SYNPR: variants seen among roughly 807,000 people sequenced by gnomAD.
SYNPR encodes the protein synaptoporin.
A neutral mutation model predicts 32.9 loss-of-function variants in SYNPR; 23 were observed. The observed-to-expected ratio is 0.70, with a 90% CI of 0.50 to 0.99. SYNPR has a LOEUF of 0.99. SYNPR is among the 50% of genes least tolerant of loss of function. The pLI, the probability that SYNPR is intolerant of heterozygous loss-of-function variation, is 0.00. For missense variants in SYNPR, 318 were observed against 349.3 expected, an observed-to-expected ratio of 0.91 and a Z score of 0.71; for synonymous variants, 146 against 135.9, an observed-to-expected ratio of 1.07 and a Z score of -0.52.
intron 2 of SYNPR, among the ~76,000 whole-genome samples, chr3:63,375,502 G>A (rs377450889): frequency 1.3e-4 from 20 of 151,990 alleles, no homozygotes; most frequent in African/African-American, 4.1e-4. Context: ...GTTCTCACTC[G>A]TAGGTGGGAA....
chr3:63,517,261 T>C (rs1177120404), intron 3 of SYNPR, among the ~76,000 whole-genome samples: 1 of 152,140 alleles, frequency 6.6e-6, no homozygotes. Flanking sequence ...TGTCTCAGTT[T>C]CCTTCTCTGT....
intron 2 of SYNPR, among the ~76,000 whole-genome samples, chr3:63,316,717 GC>G: frequency 6.6e-6 from 1 of 150,896 alleles, no homozygotes; most frequent in Non-Finnish European, 1.5e-5. Context: ...TGTATTTTTT[GC>G]TTTCACTTTC....
intron 4 of SYNPR, among the ~76,000 whole-genome samples, chr3:63,566,706 G>A (rs762071710): frequency 1.4e-4 from 22 of 152,210 alleles, no homozygotes; most frequent in Middle Eastern, 3.4e-3. Flanking sequence ...TGGACTGATG[G>A]TTATAGAACC....
At chr3:63,579,357 A>G (rs1304684831) in intron 4 of SYNPR, among the ~76,000 whole-genome samples, 1 of 152,098 alleles carries the variant, frequency 6.6e-6, no homozygotes, top group African/African-American at 2.4e-5. Context: ...TCAAGTGTTT[A>G]TGCAAAACCC....
chr3:63,397,768 C>A (rs2088235057), intron 2 of SYNPR, among the ~76,000 whole-genome samples: 1 of 152,204 alleles, frequency 6.6e-6, no homozygotes, highest in Non-Finnish European at 1.5e-5. Flanking sequence ...TAAAAACCTT[C>A]ATCTCATCTG....
intron 4 of SYNPR, among the ~76,000 whole-genome samples, chr3:63,595,907 A>T (rs185112720): frequency 0.012 from 977 of 81,358 alleles, 7 homozygotes; most frequent in Non-Finnish European, 0.019. Flanking sequence ...ATATATAGTT[A>T]TATATATATA....
At chr3:63,362,567 A>G (rs972653057) in intron 2 of SYNPR, among the ~76,000 whole-genome samples, 1 of 152,212 alleles carries the variant, frequency 6.6e-6, no homozygotes, top group Non-Finnish European at 1.5e-5. Context: ...CAAGTAAAGT[A>G]ACCTTTATCT....
rs886727725 is a variant in SYNPR, at chr3:63,447,448, A to G, written c.85-33384A>G. ...TAAAAATTATCTATTAAGTATGGAG[A>G]AAGCAGCTGGTGTTAACACATAATT... is the stretch of plus-strand genomic sequence containing the variant. On this transcript the variant is annotated intron_variant, in intron 2 of 5. Coordinates refer to ENST00000478300, the MANE Select transcript of SYNPR (RefSeq NM_001130003.2). 3.9e-5 allele frequency among the ~76,000 whole-genome samples: 6 copies of G among 152,316 alleles called. No homozygotes were observed. The East Asian group carries it at 1.2e-3, about 29-fold the overall frequency.
At chr3:63,457,687 T>G (rs1186122314) in intron 2 of SYNPR, among the ~76,000 whole-genome samples, 1 of 152,140 alleles carries the variant, frequency 6.6e-6, no homozygotes, top group African/African-American at 2.4e-5. Context: ...TTCTAATTTG[T>G]ATTACCTACA....
intron 2 of SYNPR, among the ~76,000 whole-genome samples, chr3:63,264,960 C>T (rs529514281): frequency 1.4e-4 from 21 of 152,054 alleles, no homozygotes; most frequent in African/African-American, 5.1e-4. Flanking sequence ...TCCACCTGGT[C>T]CCGCCCTTGA....
At chr3:63,318,620 T>C (rs972866470) in intron 2 of SYNPR, among the ~76,000 whole-genome samples, 1 of 152,060 alleles carries the variant, frequency 6.6e-6, no homozygotes, top group Non-Finnish European at 1.5e-5. Flanking sequence ...TTGTTTTTTC[T>C]TTAAGCTACC....
intron 3 of SYNPR, among the ~76,000 whole-genome samples, chr3:63,534,828 A>G (rs999769474): frequency 6.6e-6 from 1 of 152,162 alleles, no homozygotes; most frequent in Non-Finnish European, 1.5e-5. Context: ...ACCAGCTCTC[A>G]TGGGAACTAA....
In SYNPR at chr3:63,530,000, C is replaced by T. The variant is rs547351810; in HGVS notation, c.210-26543C>T. Among the ~76,000 whole-genome samples, 18 of 152,174 alleles carry T rather than the reference C, an allele frequency of 1.2e-4. No individual in the cohort carries two copies. In the East Asian group the frequency reaches 2.9e-3, roughly 25 times the overall value. ...GCATTGCTAATAGTCCAGCAGCTAG[C>T]GGGAAGGGACACTTCAGCAAAGTTG... is the stretch of plus-strand genomic sequence containing the variant. On this transcript the variant is annotated intron_variant, in intron 3 of 5. Transcript: ENST00000478300.
intron 3 of SYNPR, among the ~76,000 whole-genome samples, chr3:63,486,027 G>T (rs536752012): frequency 6.2e-4 from 94 of 152,084 alleles, no homozygotes; most frequent in Non-Finnish European, 7.6e-4. Context: ...TCATGCCTCA[G>T]CTTTCTGAGT....
chr3:63,352,569 G>A (rs1435574040), intron 2 of SYNPR, among the ~76,000 whole-genome samples: 1 of 152,142 alleles, frequency 6.6e-6, no homozygotes, highest in Non-Finnish European at 1.5e-5. Context: ...TAGAAAAAAG[G>A]GGACATTGAT....
At chr3:63,530,026 T>C (rs1209853471) in intron 3 of SYNPR, among the ~76,000 whole-genome samples, 3 of 152,114 alleles carry the variant, frequency 2.0e-5, no homozygotes, top group African/African-American at 7.2e-5. Flanking sequence ...AGCAAAGTTG[T>C]TGGGCTGCTG....
intron 4 of SYNPR, among the ~76,000 whole-genome samples, chr3:63,563,185 G>A (rs767443485): frequency 6.6e-6 from 1 of 152,026 alleles, no homozygotes; most frequent in Non-Finnish European, 1.5e-5. Context: ...TCCCCAAGTC[G>A]CCAAGGATAG....
intron 3 of SYNPR, among the ~76,000 whole-genome samples, chr3:63,269,367 T>A (rs958803682): frequency 6.6e-6 from 1 of 152,018 alleles, no homozygotes; most frequent in Non-Finnish European, 1.5e-5. Context: ...TAGGCACCTA[T>A]AATCCCAGCT....
intron 2 of SYNPR, among the ~76,000 whole-genome samples, chr3:63,468,335 A>G (rs1700726399): frequency 6.6e-6 from 1 of 152,130 alleles, no homozygotes; most frequent in Non-Finnish European, 1.5e-5. Flanking sequence ...ATCTTTAGAC[A>G]CATTTATTTG....
Sources: gnomAD v4.1 joint callset for allele counts (sites outside exome capture counted in the v4.1 genomes callset) on GRCh38, gnomAD v4.1.1 for gene constraint, MANE v1.5 for transcripts, NCBI Gene and HGNC (gene_info 2026-07-23, HGNC 2026-07-21) for gene names.